BOP1: variants seen among roughly 807,000 people sequenced by gnomAD.
BOP1 encodes the protein BOP1 ribosomal biogenesis factor, also known as ribosome biogenesis protein BOP1.
BOP1 carries 54 observed loss-of-function variants against 82.9 expected under a neutral mutation model. The ratio of observed to expected loss-of-function variants is 0.65; its 90% CI spans 0.52 to 0.82. The LOEUF is 0.82. Ranked by LOEUF, BOP1 falls within the 40% of genes least tolerant of loss-of-function variation. BOP1 has a pLI of 0.00. For missense variants in BOP1, 1,170 were observed against 1,072.0 expected, an observed-to-expected ratio of 1.09 and a Z score of -1.28; for synonymous variants, 566 against 451.1, an observed-to-expected ratio of 1.25 and a Z score of -3.23.
At position 144,262,669 on chromosome 8, in the gene BOP1, T is replaced by G; in HGVS notation, c.1898A>C (p.Asp633Ala). Reference sequence around the variant, plus strand: ...ATCGTAGCTCCCACAGATGACGTTGTCACCTAGGGCCAAAGGCTGTGATGC... The same window carrying G: ...ATCGTAGCTCCCACAGATGACGTTGGCACCTAGGGCCAAAGGCTGTGATGC... ...VSSLAVHPAGDNVICGSYDSK... is the reference protein window; with the variant it reads ...VSSLAVHPAGANVICGSYDSK... Residue 633 changes from aspartate to alanine, a missense_variant, in exon 14 of 16, where the codon GAC becomes GCC. Asp to Ala is a moderately radical substitution (Grantham distance 126). Transcript: ENST00000569669. The G allele has an allele frequency of 6.2e-7, 1 of 1,613,270 alleles. No individual in the cohort carries two copies. The highest frequency in any genetic ancestry group is 8.5e-7 in the Non-Finnish European group (1 of 1,179,796).
In BOP1 at chr8:144,264,985, G is replaced by A; in HGVS notation, c.477C>T (p.Ile159=). 1 of 1,612,404 alleles carries A rather than the reference G, an allele frequency of 6.2e-7. No homozygotes were observed. The change falls in exon 4 of 16, where the codon ATC becomes ATT. Residue 159 remains isoleucine, a synonymous_variant. Coordinates refer to ENST00000569669, the MANE Select transcript of BOP1 (RefSeq NM_015201.5). ...CATCCCGGGTCCGCAGGGGCTTGTA[G>A]ATGCGCCTGCCATCCAGGTCGTAGC... The part of the protein sequence containing the change: ...HVGYDLDGRR[I]YKPLRTRDEL...
intron 3 of BOP1, among the ~76,000 whole-genome samples, chr8:144,269,938 GCCCT>G (rs1229784327): frequency 6.6e-6 from 1 of 152,230 alleles, no homozygotes; most frequent in Non-Finnish European, 1.5e-5. Flanking sequence ...GCCCACGCCA[GCCCT>G]CCCTCCACTG....
At chr8:144,269,562 G>C (rs1200678667) in intron 3 of BOP1, among the ~76,000 whole-genome samples, 12 of 152,344 alleles carry the variant, frequency 7.9e-5, no homozygotes, top group Admixed American at 3.3e-4. Flanking sequence ...GGGCTAGAGG[G>C]GGGCTGAGTC....
chr8:144,267,463 G>T (rs1845402183), intron 3 of BOP1, among the ~76,000 whole-genome samples: 5 of 152,252 alleles, frequency 3.3e-5, no homozygotes. Flanking sequence ...GGGCGGGGAG[G>T]CTGGGGAGCT....
At position 144,263,519 on chromosome 8, in the gene BOP1, G is replaced by A; in HGVS notation, c.1383C>T (p.Ala461=). ...VPVGGVVKSV[A]WNPSPAVCLV... ...GGCAGACAGCGGGGCTGGGGTTCCA[G>A]GCCACACTCTTCACCACGCCCCCCA... is the stretch of plus-strand genomic sequence containing the variant. The change falls in exon 11 of 16, where the codon GCC becomes GCT. Residue 461 remains alanine, a synonymous_variant. Coordinates refer to ENST00000569669, the MANE Select transcript of BOP1 (RefSeq NM_015201.5). The A allele has an allele frequency of 1.3e-6, 2 of 1,599,450 alleles. No individual in the cohort carries two copies. The highest frequency in any genetic ancestry group is 1.7e-5 in the Admixed American group (1 of 60,002).
At chr8:144,273,791 T>TG (rs1845530350) in intron 3 of BOP1, among the ~76,000 whole-genome samples, 1 of 150,780 alleles carries the variant, frequency 6.6e-6, no homozygotes, top group Non-Finnish European at 1.5e-5. Flanking sequence ...AGCCGGCTCC[T>TG]GGGGGCCCCC....
intron 2 of BOP1, 48 bp downstream of exon 2, chr8:144,289,047 C>T (rs782091190): frequency 1.2e-6 from 2 of 1,603,302 alleles, no homozygotes; most frequent in Non-Finnish European, 1.7e-6. Context: ...AGCCCAAGGC[C>T]ACCTGCACAT....
At chr8:144,263,799 G>A (rs1845293823) in intron 9 of BOP1, 32 bp downstream of exon 9, 6 of 1,607,180 alleles carry the variant, frequency 3.7e-6, no homozygotes, top group Non-Finnish European at 5.1e-6. Flanking sequence ...AGACTGGGAG[G>A]GTGCAACCCC....
intron 2 of BOP1, among the ~76,000 whole-genome samples, chr8:144,283,702 A>G (rs1163102587): frequency 6.6e-6 from 1 of 152,248 alleles, no homozygotes; most frequent in East Asian, 1.9e-4. Context: ...ACTAAACAAG[A>G]GGAAAAGATG....
chr8:144,263,377 G>A lies in BOP1; in HGVS notation c.1449C>T (p.Asn483=), dbSNP rs1220301242. The A allele has an allele frequency of 6.9e-6, 11 of 1,597,446 alleles. No homozygotes were observed. The highest frequency in any genetic ancestry group is 6.6e-5 in the South Asian group (6 of 90,984). ...CCACCAGCCGGTCCCCCAGAGCTGGGTTCAGCAGCAGCACCGAGTCCTCCC... is the reference window on the plus strand; with the variant it reads ...CCACCAGCCGGTCCCCCAGAGCTGGATTCAGCAGCAGCACCGAGTCCTCCC... ...AAVEDSVLLL[N]PALGDRLVAG... Residue 483 remains asparagine, a synonymous_variant, in exon 12 of 16, where the codon AAC becomes AAT. Coordinates refer to ENST00000569669, the MANE Select transcript of BOP1 (RefSeq NM_015201.5).
intron 2 of BOP1, among the ~76,000 whole-genome samples, chr8:144,277,495 G>A (rs922896823): frequency 3.9e-5 from 6 of 152,344 alleles, no homozygotes; most frequent in African/African-American, 7.2e-5. Flanking sequence ...CTGGGCTCCC[G>A]ACCCCTCACA....
At chr8:144,268,179 G>C (rs1335625629) in intron 3 of BOP1, 1 of 1,548,890 alleles carries the variant, frequency 6.5e-7, no homozygotes, top group Non-Finnish European at 8.7e-7. Flanking sequence ...AGACGCTGCT[G>C]GGGGAGGTGG....
At chr8:144,263,166 G>C in intron 12 of BOP1, 25 bp from the exon 13 acceptor site, 1 of 1,592,886 alleles carries the variant, frequency 6.3e-7, no homozygotes, top group Non-Finnish European at 8.5e-7. Context: ...GGCTGGCTGA[G>C]TGGCTGAGCC....
At chr8:144,284,728 T>C (rs567632454) in intron 2 of BOP1, among the ~76,000 whole-genome samples, 1 of 152,272 alleles carries the variant, frequency 6.6e-6, no homozygotes, top group South Asian at 2.1e-4. Context: ...AAAGGTGCCC[T>C]AGAACACCAC....
chr8:144,267,023 G>A (rs1242181180), intron 3 of BOP1: 48 of 1,522,456 alleles, frequency 3.2e-5, no homozygotes, highest in Non-Finnish European at 4.0e-5. Context: ...GGCGAGGCCT[G>A]CGGCGACGGA....
chr8:144,263,549 A>G lies in BOP1; in HGVS notation c.1353T>C (p.Val451=). 1 of 1,601,246 alleles carries G rather than the reference A, an allele frequency of 6.2e-7. No homozygotes were observed. Among genetic ancestry groups the G allele is most frequent in the Non-Finnish European group, 8.5e-7 (1 of 1,179,722 alleles). Residue 451 remains valine (V), a synonymous_variant, in exon 11 of 16, where the codon GTT becomes GTC. Coordinates refer to ENST00000569669, the MANE Select transcript of BOP1 (RefSeq NM_015201.5). ...EVATARCVRT[V]PVGGVVKSVA... The stretch of plus-strand genomic sequence containing the variant: ...CACTCTTCACCACGCCCCCCACGGG[A>G]ACAGTCCTCACACAGCGGGCAGTGG...
chr8:144,268,614 CCAGGCT>C (rs1438918340), intron 3 of BOP1: 47 of 201,602 alleles, frequency 2.3e-4, no homozygotes, highest in South Asian at 1.5e-3. Context: ...CCCCCACTTT[CCAGGCT>C]CAGGGCCACC....
Position 144,262,170 on chromosome 8 carries a change from G to A in BOP1, c.2235C>T (p.Phe745=), listed in dbSNP as rs1009729427. 5.0e-6 allele frequency: 8 copies of A among 1,612,324 alleles called. No individual in the cohort carries two copies. Among genetic ancestry groups the A allele is most frequent in the African/African-American group, 2.7e-5 (2 of 74,878 alleles). The change falls in exon 16 of 16, where the codon TTC becomes TTT. Residue 745 remains phenylalanine (F), a synonymous_variant. Coordinates refer to ENST00000569669, the MANE Select transcript of BOP1 (RefSeq NM_015201.5). ...CCCCAGGCAGGCAGAACAGCTAGGT[G>A]AAGAGGCGGACAGTCCCGTCTGCCC... is the stretch of plus-strand genomic sequence containing the variant. ...SSGADGTVRL[F]T
At chr8:144,288,976 G>T in intron 2 of BOP1, 119 bp downstream of exon 2, 1 of 1,101,346 alleles carries the variant, frequency 9.1e-7, no homozygotes. Context: ...AGTGAAGGAG[G>T]GACGCCGGCC....
Sources: gnomAD v4.1 joint callset for allele counts (sites outside exome capture counted in the v4.1 genomes callset) on GRCh38, gnomAD v4.1.1 for gene constraint, MANE v1.5 for transcripts, NCBI Gene and HGNC (gene_info 2026-07-23, HGNC 2026-07-21) for gene names.